Variants in SBF2 observed in about 807,000 individuals in gnomAD.
SBF2 encodes the protein SET binding factor 2.
Under a neutral mutation model 225.2 loss-of-function variants are expected in SBF2, and 112 were observed. The observed-to-expected ratio is 0.50, with a 90% CI of 0.43 to 0.58. The LOEUF (loss-of-function observed/expected upper bound fraction) is 0.58, where lower values mean the gene tolerates loss of function less well. Among genes scored for constraint, SBF2 ranks in the 20% least tolerant of loss-of-function variants. The probability of loss-of-function intolerance (pLI) is 0.00; values close to 1 mark genes in which losing one functional copy is unlikely to be tolerated. For missense variants in SBF2, 1,996 were observed against 2,206.2 expected (o/e 0.90, Z 1.91); for synonymous variants, 763 against 773.3 (o/e 0.99, Z 0.22).
At chr11:10,190,617 A>G (rs773071058) in intron 2 of SBF2, among the ~76,000 whole-genome samples, 1 of 152,210 alleles carries the variant, frequency 6.6e-6, no homozygotes, top group South Asian at 2.1e-4. Context: ...CACCAGTTGT[A>G]AGGCTGAACA....
intron 16 of SBF2, among the ~76,000 whole-genome samples, chr11:9,912,651 ATTC>A (rs1269357060): frequency 6.6e-6 from 1 of 152,200 alleles, no homozygotes; most frequent in East Asian, 1.9e-4. Context: ...GCCCACCACA[ATTC>A]TTCTTCCAAT....
chr11:10,039,717 C>A (rs1306580773), intron 3 of SBF2, among the ~76,000 whole-genome samples: 3 of 151,784 alleles, frequency 2.0e-5, no homozygotes, highest in Admixed American at 2.0e-4. Flanking sequence ...AGGAGTCAGA[C>A]TCCTTGAAGA....
chr11:10,193,479 T>C (rs1186440079), intron 2 of SBF2, among the ~76,000 whole-genome samples: 2 of 150,896 alleles, frequency 1.3e-5, no homozygotes, highest in Non-Finnish European at 3.0e-5. Flanking sequence ...CTCAGCCTCC[T>C]GAGTAGCTGG....
At chr11:9,882,640 C>G (rs1291824497) in intron 17 of SBF2, among the ~76,000 whole-genome samples, 1 of 151,892 alleles carries the variant, frequency 6.6e-6, no homozygotes, top group Non-Finnish European at 1.5e-5. Flanking sequence ...AACCCCGTCT[C>G]TACTAAAAAT....
intron 1 of SBF2, among the ~76,000 whole-genome samples, chr11:10,216,762 C>T (rs974360372): frequency 1.3e-5 from 2 of 151,992 alleles, no homozygotes; most frequent in Non-Finnish European, 2.9e-5. Flanking sequence ...CCCAGCTACT[C>T]GTGAGGCTGA....
chr11:10,155,266 G>A (rs4267063), intron 2 of SBF2, among the ~76,000 whole-genome samples: 1 of 151,820 alleles, frequency 6.6e-6, no homozygotes, highest in Non-Finnish European at 1.5e-5. Context: ...TCATTTTCCC[G>A]CATTAGAGAA....
At chr11:9,936,189 G>C (rs1392753483) in intron 16 of SBF2, among the ~76,000 whole-genome samples, 2 of 152,174 alleles carry the variant, frequency 1.3e-5, no homozygotes, top group African/African-American at 4.8e-5. Flanking sequence ...GCAGCCAACA[G>C]ACTTATGAAA....
intron 1 of SBF2, among the ~76,000 whole-genome samples, chr11:10,300,047 TC>T (rs1341387472): frequency 2.0e-5 from 3 of 152,232 alleles, no homozygotes; most frequent in Non-Finnish European, 4.4e-5. Flanking sequence ...TTTCATTTTT[TC>T]TAATGTACCA....
intron 13 of SBF2, among the ~76,000 whole-genome samples, chr11:9,970,576 A>C (rs1867265872): frequency 6.6e-6 from 1 of 152,200 alleles, no homozygotes; most frequent in South Asian, 2.1e-4. Flanking sequence ...TGTTGGGCTA[A>C]GGCAGATGAT....
At chr11:10,231,976 G>T (rs1173522632) in intron 1 of SBF2, among the ~76,000 whole-genome samples, 1 of 152,306 alleles carries the variant, frequency 6.6e-6, no homozygotes, top group South Asian at 2.1e-4. Context: ...CTTCCCGGCC[G>T]CTTTGTTTAC....
intron 13 of SBF2, among the ~76,000 whole-genome samples, chr11:9,970,613 T>C (rs537440712): frequency 2.6e-5 from 4 of 152,288 alleles, no homozygotes; most frequent in Admixed American, 6.5e-5. Flanking sequence ...AGCAATATAA[T>C]AGAAACACAC....
At chr11:9,805,023 T>A (rs746296501) in intron 32 of SBF2, among the ~76,000 whole-genome samples, 3 of 152,172 alleles carry the variant, frequency 2.0e-5, no homozygotes, top group Non-Finnish European at 2.9e-5. Flanking sequence ...GGCAGATAGA[T>A]CACCTGAGCT....
chr11:10,045,206 C>T (rs1260567476), intron 2 of SBF2, among the ~76,000 whole-genome samples: 7 of 149,654 alleles, frequency 4.7e-5, no homozygotes, highest in African/African-American at 1.5e-4. Context: ...CCTGCTCTGT[C>T]GCCCAGGCTG....
At chr11:10,001,363 G>A (rs768234802) in intron 7 of SBF2, among the ~76,000 whole-genome samples, 17 of 151,712 alleles carry the variant, frequency 1.1e-4, no homozygotes, top group Non-Finnish European at 1.8e-4. Context: ...TCTCTGATAG[G>A]GCCTCCCCTC....
At chr11:10,013,579 G>A (rs963753184) in intron 6 of SBF2, among the ~76,000 whole-genome samples, 1 of 152,180 alleles carries the variant, frequency 6.6e-6, no homozygotes, top group African/African-American at 2.4e-5. Flanking sequence ...TAAACTCTTT[G>A]TACTGTCTTT....
At chr11:10,133,666 C>T (rs1035422195) in intron 2 of SBF2, among the ~76,000 whole-genome samples, 11 of 150,716 alleles carry the variant, frequency 7.3e-5, no homozygotes, top group South Asian at 2.1e-4. Context: ...CACACAGCCC[C>T]GGTTCCCGCT....
intron 26 of SBF2, among the ~76,000 whole-genome samples, 179 bp from the exon 27 acceptor site, chr11:9,832,599 TTTTTAA>T (rs1400955105): frequency 4.2e-4 from 64 of 152,346 alleles, no homozygotes; most frequent in African/African-American, 1.4e-3. Context: ...TTTATTTTCT[TTTTTAA>T]TTTTATTTTT....
intron 2 of SBF2, among the ~76,000 whole-genome samples, chr11:10,191,203 C>A (rs1957154066): frequency 6.6e-6 from 1 of 152,036 alleles, no homozygotes; most frequent in South Asian, 2.1e-4. Context: ...ACACTGGAAA[C>A]AACAAACCAC....
At chr11:10,301,568 G>A (rs762789342) in intron 1 of SBF2, among the ~76,000 whole-genome samples, 4 of 152,112 alleles carry the variant, frequency 2.6e-5, no homozygotes, top group Non-Finnish European at 4.4e-5. Context: ...TTTCCTGTTT[G>A]ATAAAGGAGG....
Sources: allele counts gnomAD v4.1 joint callset (sites outside exome capture counted in the v4.1 genomes callset), GRCh38; gene constraint gnomAD v4.1.1; transcripts MANE v1.5; gene names NCBI Gene and HGNC (gene_info 2026-07-23, HGNC 2026-07-21).